The following NPAS3 variants were observed in gnomAD, a reference collection of about 807,000 sequenced individuals.
NPAS3 encodes neuronal PAS domain protein 3, also known as neuronal PAS domain-containing protein 3.
A neutral mutation model predicts 73.1 loss-of-function variants in NPAS3; 14 were observed. The observed-to-expected ratio is 0.19, with a 90% CI of 0.13 to 0.30. The LOEUF (loss-of-function observed/expected upper bound fraction) is 0.30, where lower values mean the gene tolerates loss of function less well. Ranked by LOEUF, NPAS3 falls within the 10% of genes least tolerant of loss-of-function variation. NPAS3 has a pLI of 1.00. For missense variants in NPAS3, 1,096 were observed against 1,250.0 expected (o/e 0.88, Z 1.86); for synonymous variants, 620 against 541.5 (o/e 1.14, Z -2.01).
intron 5 of NPAS3, among the ~76,000 whole-genome samples, chr14:33,623,697 G>T (rs1227539659): frequency 6.6e-6 from 1 of 152,100 alleles, no homozygotes; most frequent in Non-Finnish European, 1.5e-5. Context: ...ACCTGCCAAG[G>T]CCTCCTCCCC....
intron 4 of NPAS3, among the ~76,000 whole-genome samples, chr14:33,525,929 A>G (rs1361504511): frequency 2.0e-5 from 3 of 152,188 alleles, no homozygotes; most frequent in Non-Finnish European, 4.4e-5. Context: ...GAAATAAACC[A>G]TGACAAAAAT....
chr14:33,493,958 C>A (rs1457204162), intron 4 of NPAS3, among the ~76,000 whole-genome samples: 2 of 152,106 alleles, frequency 1.3e-5, no homozygotes, highest in Non-Finnish European at 2.9e-5. Context: ...AAAGCAGCAA[C>A]TGTGTCTGAG....
intron 1 of NPAS3, among the ~76,000 whole-genome samples, chr14:32,961,754 A>T (rs2036930443): frequency 6.6e-6 from 1 of 152,164 alleles, no homozygotes; most frequent in South Asian, 2.1e-4. Flanking sequence ...TGAGGAAGAT[A>T]TATCCCCATT....
chr14:33,462,305 A>G (rs1269059341), intron 4 of NPAS3, among the ~76,000 whole-genome samples: 1 of 152,170 alleles, frequency 6.6e-6, no homozygotes, highest in African/African-American at 2.4e-5. Context: ...TATGATAGTC[A>G]TTATTGCTGC....
chr14:33,329,610 G>T (rs2043884090), intron 3 of NPAS3, among the ~76,000 whole-genome samples: 1 of 152,110 alleles, frequency 6.6e-6, no homozygotes, highest in Non-Finnish European at 1.5e-5. Flanking sequence ...GAAGTGAGAG[G>T]ATAGTCTCAG....
At chr14:33,465,118 GTATT>G (rs2050448650) in intron 4 of NPAS3, among the ~76,000 whole-genome samples, 1 of 152,026 alleles carries the variant, frequency 6.6e-6, no homozygotes, top group South Asian at 2.1e-4. Context: ...AACAAATTAT[GTATT>G]TGTAGTATCC....
intron 1 of NPAS3, among the ~76,000 whole-genome samples, chr14:33,015,029 T>C (rs2039342790): frequency 6.6e-6 from 1 of 152,200 alleles, no homozygotes; most frequent in Admixed American, 6.5e-5. Context: ...GGAGGCTGTA[T>C]GTAGATCAGA....
At chr14:33,086,930 C>T (rs759801696) in intron 2 of NPAS3, among the ~76,000 whole-genome samples, 6 of 151,830 alleles carry the variant, frequency 4.0e-5, no homozygotes, top group Admixed American at 2.6e-4. Flanking sequence ...AGAGATGGGG[C>T]CAGGGCCTCA....
At chr14:33,783,214 C>T (rs2063035572) in intron 9 of NPAS3, among the ~76,000 whole-genome samples, 1 of 152,154 alleles carries the variant, frequency 6.6e-6, no homozygotes. Flanking sequence ...CACACAGAAA[C>T]GGAAGCTGCA....
At chr14:33,754,420 C>T (rs1002954540) in intron 7 of NPAS3, among the ~76,000 whole-genome samples, 2 of 152,128 alleles carry the variant, frequency 1.3e-5, no homozygotes, top group African/African-American at 2.4e-5. Flanking sequence ...GTCCTCATTC[C>T]CTTCTTCCCC....
intron 4 of NPAS3, among the ~76,000 whole-genome samples, chr14:33,381,440 G>A (rs1202656839): frequency 6.6e-6 from 1 of 152,134 alleles, no homozygotes; most frequent in Non-Finnish European, 1.5e-5. Context: ...TTTCAATATT[G>A]GAAGGTTACT....
At chr14:33,664,550 A>C (rs1178456734) in intron 5 of NPAS3, among the ~76,000 whole-genome samples, 2 of 152,242 alleles carry the variant, frequency 1.3e-5, no homozygotes, top group Admixed American at 6.5e-5. Context: ...GCTTCTGCAC[A>C]GCAAAAGAAA....
At chr14:33,685,822 C>A (rs1216796347) in intron 6 of NPAS3, among the ~76,000 whole-genome samples, 2 of 152,080 alleles carry the variant, frequency 1.3e-5, no homozygotes, top group Non-Finnish European at 2.9e-5. Context: ...TTCAAAATGA[C>A]CCTACACCAA....
rs1019327010 is a variant in NPAS3 at position 33,542,843 on chromosome 14, A to G, written c.469-17278A>G. Among the ~76,000 whole-genome samples the G allele has an allele frequency of 1.4e-4, 22 of 152,312 alleles. No individual in the cohort carries two copies. The East Asian group carries it at 3.5e-3, about 24-fold the overall frequency. On this transcript the variant is annotated intron_variant, in intron 4 of 11. Coordinates refer to ENST00000356141, the Ensembl canonical transcript of NPAS3. The stretch of plus-strand genomic sequence containing the variant: ...GAGAGCAAGAGATACTCTCACAGAC[A>G]CTGTGACCACTGCTTGCCAAGCATG...
In NPAS3 at chr14:33,612,705, C is replaced by A. The variant is rs147251350; in HGVS notation, c.558+52495C>A. On this transcript the variant is annotated intron_variant, in intron 5 of 11. Coordinates refer to ENST00000356141, the Ensembl canonical transcript of NPAS3. The stretch of plus-strand genomic sequence containing the variant: ...AAACTTTACATTTGTGAAAAAGCAT[C>A]TCAAAGTTAGAACATATATCTCCTA... The A allele has an allele frequency of 1.0e-3, 361 of 347,368 alleles. 3 individuals carry two copies. The highest frequency in any genetic ancestry group is 7.1e-3 in the African/African-American group (331 of 46,742). The allele number at this position is 347,368 out of a possible 1,614,324, so 21.5% of individuals were successfully genotyped here.
intron 6 of NPAS3, among the ~76,000 whole-genome samples, chr14:33,713,423 GT>G (rs1382425470): frequency 6.6e-6 from 1 of 152,166 alleles, no homozygotes; most frequent in Non-Finnish European, 1.5e-5. Context: ...GGAGGAGGGG[GT>G]CTCCTTTTAA....
intron 2 of NPAS3, among the ~76,000 whole-genome samples, chr14:33,149,701 A>C (rs2044375744): frequency 6.6e-6 from 1 of 152,196 alleles, no homozygotes; most frequent in Non-Finnish European, 1.5e-5. Context: ...AAGCCTTTAG[A>C]TATTTGGTTC....
At chr14:33,192,560 G>A (rs1483471872) in intron 2 of NPAS3, among the ~76,000 whole-genome samples, 1 of 152,090 alleles carries the variant, frequency 6.6e-6, no homozygotes, top group African/African-American at 2.4e-5. Flanking sequence ...TGGAGTGAGT[G>A]GTGATGCTGA....
intron 7 of NPAS3, among the ~76,000 whole-genome samples, chr14:33,739,893 A>G (rs1243480612): frequency 6.6e-6 from 1 of 152,112 alleles, no homozygotes; most frequent in East Asian, 1.9e-4. Context: ...TTGAAGTCCT[A>G]TACCTTTCTG....
Sources: allele counts gnomAD v4.1 joint callset (sites outside exome capture counted in the v4.1 genomes callset), GRCh38; gene constraint gnomAD v4.1.1; transcripts MANE v1.5; gene names NCBI Gene and HGNC (gene_info 2026-07-23, HGNC 2026-07-21).